Variants in SYNRG observed in about 807,000 individuals in gnomAD.
SYNRG encodes synergin gamma, also known as AP1 gamma subunit binding protein 1.
In SYNRG, 37 loss-of-function variants were observed where a neutral mutation model predicts 130.9. The ratio of observed to expected loss-of-function variants is 0.28; its 90% CI spans 0.22 to 0.37. SYNRG has a LOEUF of 0.37. SYNRG is among the 10% of genes least tolerant of loss of function. The pLI is 1.00. For missense variants in SYNRG, 1,338 were observed against 1,588.9 expected (o/e 0.84, Z 2.68); for synonymous variants, 539 against 568.1 (o/e 0.95, Z 0.73).
intron 2 of SYNRG, 85 bp from the exon 3 acceptor site, chr17:37,596,429 T>A: frequency 6.7e-7 from 1 of 1,495,148 alleles, no homozygotes; most frequent in Non-Finnish European, 9.1e-7. Flanking sequence ...ACTTGTTACT[T>A]GGCAGGAAGC....
chr17:37,604,418 A>G (rs1181842029), intron 1 of SYNRG, among the ~76,000 whole-genome samples: 1 of 152,124 alleles, frequency 6.6e-6, no homozygotes, highest in East Asian at 1.9e-4. Context: ...TTAGCTTCCA[A>G]CTTTTCTTCT....
At chr17:37,571,720 A>C in intron 9 of SYNRG, 71 bp downstream of exon 9, 1 of 1,402,472 alleles carries the variant, frequency 7.1e-7, no homozygotes, top group Non-Finnish European at 9.7e-7. Context: ...ACAATGTAGT[A>C]AAAAAGATTT....
Position 37,542,181 on chromosome 17 carries a change from C to T in SYNRG, c.2993G>A (p.Arg998Gln), listed in dbSNP as rs938244465. Residue 998 changes from arginine (R) to glutamine (Q), a missense_variant, in exon 15 of 22, where the codon CGG becomes CAG. By Grantham distance (43) the Arg-to-Gln change is conservative. Transcript: ENST00000612223. ...GCTGGGACACGTGGCCTCCTGGCTC[C>T]GTTCAGCCGTAGGCAGGTCCTGTTT... Reference protein sequence around the residue: ...FTKQDLPTAERSQEATCPSPA... With the variant: ...FTKQDLPTAEQSQEATCPSPA... The T allele has an allele frequency of 1.1e-5, 18 of 1,614,198 alleles. No individual in the cohort carries two copies. Among genetic ancestry groups the T allele is most frequent in the Non-Finnish European group, 1.5e-5 (18 of 1,180,040 alleles).
chr17:37,560,433 T>C (rs1288088364), intron 13 of SYNRG, among the ~76,000 whole-genome samples: 1 of 147,656 alleles, frequency 6.8e-6, no homozygotes, highest in African/African-American at 2.5e-5. Flanking sequence ...CCTCCCTGAG[T>C]TCAAGCGATT....
intron 8 of SYNRG, 136 bp from the exon 9 acceptor site, chr17:37,572,123 T>C (rs1362038697): frequency 4.0e-6 from 3 of 754,582 alleles, no homozygotes; most frequent in East Asian, 5.3e-5. Context: ...AGGGTTTAAA[T>C]TGCTTTAAAC....
At chr17:37,561,648 G>C (rs948510729) in intron 11 of SYNRG, 59 bp from the exon 12 acceptor site, 1 of 1,300,974 alleles carries the variant, frequency 7.7e-7, no homozygotes, top group African/African-American at 1.5e-5. Context: ...TCATCTAAAA[G>C]GAAGTTAGAA....
At chr17:37,556,629 T>C (rs1056742982) in intron 13 of SYNRG, among the ~76,000 whole-genome samples, 6 of 151,754 alleles carry the variant, frequency 4.0e-5, no homozygotes, top group Non-Finnish European at 5.9e-5. Flanking sequence ...GCATAATTCA[T>C]CAACACCAAG....
At chr17:37,600,165 T>A (rs1353851020) in intron 2 of SYNRG, among the ~76,000 whole-genome samples, 198 bp downstream of exon 2, 3 of 152,250 alleles carry the variant, frequency 2.0e-5, no homozygotes, top group Non-Finnish European at 4.4e-5. Context: ...CGAGGAGTGA[T>A]CCTTATTACT....
chr17:37,566,778 C>T (rs548040381), intron 11 of SYNRG: 23 of 152,346 alleles, frequency 1.5e-4, no homozygotes, highest in Admixed American at 1.4e-3. Context: ...ATTTCATCTA[C>T]AAACAGTTTT....
intron 1 of SYNRG, among the ~76,000 whole-genome samples, chr17:37,607,850 C>T (rs1011638552): frequency 1.3e-5 from 2 of 149,078 alleles, no homozygotes; most frequent in East Asian, 2.0e-4. Context: ...CCAGCTGCTC[C>T]GAGGCTGAGG....
In SYNRG at chr17:37,561,584, G is replaced by A. The variant is rs146648655; in HGVS notation, c.1487C>T (p.Pro496Leu). 1 of 1,609,700 alleles carries A rather than the reference G, an allele frequency of 6.2e-7. No individual in the cohort carries two copies. Among genetic ancestry groups the A allele is most frequent in the East Asian group, 2.2e-5 (1 of 44,772 alleles). ...TCCAGGAAGTGGCATCAACAAAGAA[G>A]GGGCACTGAAGGAAAAAATAAACAT... ...TSNSQHGNSAPSLLMPLPGTK... is the reference protein window; with the variant it reads ...TSNSQHGNSALSLLMPLPGTK... Residue 496 changes from proline (P) to leucine (L), a missense_variant, in exon 12 of 22, where the codon CCT (proline) becomes CTT (leucine). Pro to Leu is a moderately conservative substitution (Grantham distance 98, BLOSUM62 -3). This residue lies in a region of SYNRG where 1,146 missense variants were observed against 1,342.3 expected (regional missense o/e 0.85). Coordinates refer to ENST00000612223, the MANE Select transcript of SYNRG (RefSeq NM_007247.6).
chr17:37,548,171 A>C (rs1054594072), intron 14 of SYNRG, among the ~76,000 whole-genome samples: 3 of 152,204 alleles, frequency 2.0e-5, no homozygotes, highest in African/African-American at 7.2e-5. Flanking sequence ...TCCACTGACA[A>C]AGAAATTCCT....
chr17:37,594,978 G>A lies in SYNRG; in HGVS notation c.240+1245C>T, dbSNP rs115829365. Among the ~76,000 whole-genome samples the A allele has an allele frequency of 2.6e-3, 402 of 152,258 alleles. 2 individuals are homozygous for A. The highest frequency in any genetic ancestry group is 9.4e-3 in the African/African-American group (389 of 41,544). ...AGGATGTCCTGGCTGAGGGTCTTAGGATAAAGAAAACATGGAGCAGAGTCA... is the reference window on the plus strand; with the variant it reads ...AGGATGTCCTGGCTGAGGGTCTTAGAATAAAGAAAACATGGAGCAGAGTCA... On this transcript the variant is annotated intron_variant, in intron 3 of 21. Transcript: ENST00000612223.
At chr17:37,587,444 G>A (rs536020665) in intron 3 of SYNRG, among the ~76,000 whole-genome samples, 15 of 152,142 alleles carry the variant, frequency 9.9e-5, no homozygotes, top group Non-Finnish European at 1.9e-4. Flanking sequence ...AAGTCTGTCC[G>A]TGAAACACTC....
intron 6 of SYNRG, among the ~76,000 whole-genome samples, chr17:37,580,515 G>GAA (rs2061240671): frequency 3.7e-5 from 5 of 136,818 alleles, no homozygotes; most frequent in African/African-American, 1.8e-4. Flanking sequence ...GTGTGTGAGA[G>GAA]AGAGAGAGAG....
intron 19 of SYNRG, chr17:37,529,969 A>G: frequency 1.1e-6 from 1 of 884,192 alleles, no homozygotes; most frequent in South Asian, 1.6e-5. Flanking sequence ...TCTAAATGTA[A>G]AGAAGGAGGC....
rs921405689 is a variant in SYNRG at position 37,577,013 on chromosome 17, T to C, written c.823+367A>G. ...ATTTATTTTAGAGAAACCAAAACTA[T>C]ATTCTCATTGGTGACTTTTCCAGTT... On this transcript the variant is annotated intron_variant, in intron 7 of 21. Transcript: ENST00000612223. Among the ~76,000 whole-genome samples the C allele has an allele frequency of 8.5e-5, 13 of 152,344 alleles. No individual in the cohort carries two copies. In the East Asian group the frequency reaches 2.3e-3, roughly 27 times the overall value.
At chr17:37,587,465 A>G (rs1568492534) in intron 3 of SYNRG, among the ~76,000 whole-genome samples, 1 of 152,134 alleles carries the variant, frequency 6.6e-6, no homozygotes, top group East Asian at 1.9e-4. Flanking sequence ...TCATTTGGAG[A>G]CTGCTACTTC....
chr17:37,609,281 G>A lies in SYNRG; in HGVS notation c.75C>T (p.Gly25=). Residue 25 remains glycine (G), a splice_region_variant and synonymous_variant, in exon 1 of 22, where the codon GGC becomes GGT. Transcript: ENST00000612223. ...AGAGAGSAGG[G]GFMFPVAGGI... ...CCCGCCCGGCTCTTCACACCTACCC[G>A]CCTCCCCCGGCGGACCCCGCGCCAG... 6.9e-7 allele frequency: 1 copy of A among 1,444,564 alleles called. No homozygotes were observed. Among genetic ancestry groups the A allele is most frequent in the South Asian group, 1.4e-5 (1 of 73,506 alleles). The allele number at this position is 1,444,564 out of a possible 1,614,324, so 89.5% of individuals were successfully genotyped here.
Sources: gnomAD v4.1 joint callset for allele counts (sites outside exome capture counted in the v4.1 genomes callset) on GRCh38, gnomAD v4.1.1 for gene constraint, gnomAD v4.1.1 regional missense constraint, MANE v1.5 for transcripts, NCBI Gene and HGNC (gene_info 2026-07-23, HGNC 2026-07-21) for gene names.